Variants in ZNF253 observed in about 807,000 individuals in gnomAD.
ZNF253 encodes the protein zinc finger protein 253.
ZNF253 carries 8 observed loss-of-function variants against 11.9 expected under a neutral mutation model. The observed-to-expected ratio is 0.67, with a 90% CI of 0.40 to 1.22. ZNF253 has a LOEUF of 1.22. Ranked by LOEUF, ZNF253 falls within the 50% of genes most tolerant of loss-of-function variation. The probability of loss-of-function intolerance (pLI) is 0.01; values close to 1 mark genes in which losing one functional copy is unlikely to be tolerated. For synonymous variants in ZNF253, 194 were observed against 194.9 expected, an observed-to-expected ratio of 1.00 and a Z score of 0.04; for missense variants, 485 against 586.9, an observed-to-expected ratio of 0.83 and a Z score of 1.79.
chr19:19,891,768 G>GTATA lies in ZNF253; in HGVS notation c.522_525dup (p.Ile176TyrfsTer8). 6.2e-7 allele frequency: 1 copy of GTATA among 1,614,092 alleles called. No individual in the cohort carries two copies. The highest frequency in any genetic ancestry group is 1.1e-5 in the South Asian group (1 of 91,076). On this transcript the variant is annotated frameshift_variant, in exon 4 of 4. Transcript: ENST00000589717. LOFTEE classifies it low-confidence loss of function (END_TRUNC). ...CATACTGGAATAAATCTTTTCAAAT[G>GTATA]TATAATATGTGGCAAAGCTTTTAAA...
chr19:19,877,357 G>A (rs901884354), intron 1 of ZNF253, among the ~76,000 whole-genome samples: 1 of 151,566 alleles, frequency 6.6e-6, no homozygotes, highest in Non-Finnish European at 1.5e-5. Context: ...TTTCAACAGT[G>A]ATGCTGTGTT....
chr19:19,883,806 A>G (rs1483487902), intron 3 of ZNF253, among the ~76,000 whole-genome samples: 1 of 152,120 alleles, frequency 6.6e-6, no homozygotes, highest in Admixed American at 6.6e-5. Flanking sequence ...CTGTAATCCC[A>G]TCACTTTGGG....
At chr19:19,870,393 A>G (rs1235931647) in intron 1 of ZNF253, among the ~76,000 whole-genome samples, 1 of 141,488 alleles carries the variant, frequency 7.1e-6, no homozygotes, top group Non-Finnish European at 1.5e-5. Context: ...TTGTGTCTCA[A>G]AAAAAAAAAA....
At chr19:19,887,170 A>AT (rs34122953) in intron 3 of ZNF253, among the ~76,000 whole-genome samples, 45,659 of 150,644 alleles carry the variant, frequency 0.3, 7,907 homozygotes, top group East Asian at 0.64. Context: ...TGGAATATAC[A>AT]TTTTTTTTTC....
intron 3 of ZNF253, among the ~76,000 whole-genome samples, chr19:19,885,223 CTTTCTTTCTTTCTT>C (rs1262817239): frequency 1.1e-4 from 5 of 43,918 alleles, no homozygotes. Flanking sequence ...TGTATTCTTT[CTTTCTTTCTTTCTT>C]TCTTTCTTTC....
In ZNF253 at chr19:19,870,027, G is replaced by A. The variant is rs189669636; in HGVS notation, c.3+4028G>A. The stretch of plus-strand genomic sequence containing the variant: ...CTTACTTTGAATGATTCACTTAAAT[G>A]GTTATTTTAATATTGTTATTTATAC... On this transcript the variant is annotated intron_variant, in intron 1 of 3. Coordinates refer to ENST00000589717, the MANE Select transcript of ZNF253 (RefSeq NM_021047.3). 2.3e-3 allele frequency among the ~76,000 whole-genome samples: 353 copies of A among 152,046 alleles called. 3 individuals carry two copies. The highest frequency in any genetic ancestry group is 3.4e-3 in the Middle Eastern group (1 of 294).
Position 19,892,070 on chromosome 19 carries a change from A to G in ZNF253, c.823A>G (p.Lys275Glu), listed in dbSNP as rs1465995706. Reference sequence around the variant, plus strand: ...CCGATCCACAGACCTTACTACACATAAGATAGTTCATACTGGAGAGAAACC... The same window carrying G: ...CCGATCCACAGACCTTACTACACATGAGATAGTTCATACTGGAGAGAAACC... Reference protein sequence around the residue: ...FNRSTDLTTHKIVHTGEKPYK... With the variant: ...FNRSTDLTTHEIVHTGEKPYK... Residue 275 changes from lysine (K) to glutamate (E), a missense_variant, in exon 4 of 4, where the codon AAG becomes GAG. Transcript: ENST00000589717. 1.2e-6 allele frequency: 2 copies of G among 1,613,918 alleles called. No individual in the cohort carries two copies. The highest frequency in any genetic ancestry group is 1.7e-4 in the Middle Eastern group (1 of 6,060).
rs2063165224 is a variant in ZNF253, at chr19:19,878,582, G to A, written c.105G>A (p.Glu35=). The change falls in exon 2 of 4, where the codon GAG becomes GAA. Residue 35 remains glutamate (E), a synonymous_variant. Transcript: ENST00000589717. ...ATTTATATAGGGATGTGATGTTAGA[G>A]AACTACAGAAACTTGGTCTTCCTTG... is the stretch of plus-strand genomic sequence containing the variant. The part of the protein sequence containing the change: ...QRNLYRDVML[E]NYRNLVFLGI... The A allele has an allele frequency of 2.5e-6, 4 of 1,613,606 alleles. No individual in the cohort carries two copies. In the East Asian group the frequency reaches 8.9e-5, roughly 36 times the overall value.
rs751103150 is a variant in ZNF253, at chr19:19,880,056, G to C, written c.136G>C (p.Val46Leu). Residue 46 changes from valine (V) to leucine (L), a missense_variant, in exon 3 of 4, where the codon GTT (valine) becomes CTT (leucine). Val to Leu is a conservative substitution (Grantham distance 32). Transcript: ENST00000589717. ...NYRNLVFLGI[V>L]VSKPDLVTCL... ...ATTTATTTTTAATAAAACAGGTATT[G>C]TTGTCTCTAAGCCAGACCTGGTTAC... is the stretch of plus-strand genomic sequence containing the variant. The C allele has an allele frequency of 1.2e-6, 2 of 1,602,614 alleles. No individual in the cohort carries two copies. The highest frequency in any genetic ancestry group is 2.7e-5 in the African/African-American group (2 of 74,354).
intron 3 of ZNF253, among the ~76,000 whole-genome samples, chr19:19,888,349 C>T (rs937558920): frequency 3.3e-5 from 5 of 152,094 alleles, no homozygotes; most frequent in East Asian, 1.9e-4. Context: ...CAGGCGTGAG[C>T]GACTGCGCCT....
chr19:19,880,007 G>A (rs1210623998), intron 2 of ZNF253, 44 bp from the exon 3 acceptor site: 1 of 1,408,718 alleles, frequency 7.1e-7, no homozygotes, highest in Non-Finnish European at 9.9e-7. Flanking sequence ...CTTGTAATGG[G>A]AGTATATGAG....
At chr19:19,889,386 G>C (rs1034791297) in intron 3 of ZNF253, among the ~76,000 whole-genome samples, 5 of 151,892 alleles carry the variant, frequency 3.3e-5, no homozygotes, top group African/African-American at 1.2e-4. Context: ...TCACTCTGTT[G>C]CCCAGGCTAG....
At chr19:19,885,696 T>C (rs960650770) in intron 3 of ZNF253, among the ~76,000 whole-genome samples, 1 of 152,190 alleles carries the variant, frequency 6.6e-6, no homozygotes, top group African/African-American at 2.4e-5. Flanking sequence ...CGGCTTGTTT[T>C]GTATTTTTTC....
chr19:19,888,430 GTTTTT>G (rs373156931), intron 3 of ZNF253, among the ~76,000 whole-genome samples: 96 of 145,616 alleles, frequency 6.6e-4, no homozygotes, highest in African/African-American at 2.2e-3. Context: ...GTCTTTTTGT[GTTTTT>G]TTTTTATTTT....
At position 19,885,334 on chromosome 19, in the gene ZNF253, CT is replaced by C. The variant is rs2063200597; in HGVS notation, c.226+5191del. On this transcript the variant is annotated intron_variant, in intron 3 of 3. Coordinates refer to ENST00000589717, the MANE Select transcript of ZNF253 (RefSeq NM_021047.3). Reference sequence around the variant, plus strand: ...TCTTTCTTTCTTTCTTTCTTTCTTTCTTTCTTTCTTTCTTTCTTTCTTCCTT... The same window carrying C: ...TCTTTCTTTCTTTCTTTCTTTCTTTCTTCTTTCTTTCTTTCTTTCTTCCTT... Among the ~76,000 whole-genome samples, 3 of 66,194 alleles carry C rather than the reference CT, an allele frequency of 4.5e-5. 1 individual carries two copies. The highest frequency in any genetic ancestry group is 3.5e-4 in the Admixed American group (2 of 5,728). The allele number at this position is 66,194 out of a possible 152,430, so 43.4% of individuals were successfully genotyped here.
intron 3 of ZNF253, among the ~76,000 whole-genome samples, chr19:19,881,470 G>A (rs891874858): frequency 6.6e-6 from 1 of 151,836 alleles, no homozygotes; most frequent in Non-Finnish European, 1.5e-5. Flanking sequence ...CCAACATAGA[G>A]AAACCCTGTC....
At chr19:19,871,769 C>T (rs1236011715) in intron 1 of ZNF253, among the ~76,000 whole-genome samples, 1 of 152,168 alleles carries the variant, frequency 6.6e-6, no homozygotes. Context: ...ATGCATATCA[C>T]ATTCAAGTTC....
In ZNF253 at chr19:19,892,315, T is replaced by G. The variant is rs1948719121; in HGVS notation, c.1068T>G (p.Thr356=). The G allele has an allele frequency of 6.2e-7, 1 of 1,611,666 alleles. No homozygotes were observed. The highest frequency in any genetic ancestry group is 8.5e-7 in the Non-Finnish European group (1 of 1,178,332). ...CCTTTCACCTATCCTCACACCTTAC[T>G]ACACATAAGATACTTCATACTGGAG... ...GKAFHLSSHL[T]THKILHTGEK... Residue 356 remains threonine (T), a synonymous_variant, in exon 4 of 4, where the codon ACT becomes ACG. Coordinates refer to ENST00000589717, the MANE Select transcript of ZNF253 (RefSeq NM_021047.3).
chr19:19,891,925 A>G lies in ZNF253; in HGVS notation c.678A>G (p.Lys226=), dbSNP rs1354316360. 3.1e-6 allele frequency: 5 copies of G among 1,613,708 alleles called. No homozygotes were observed. Among genetic ancestry groups the G allele is most frequent in the Non-Finnish European group, 4.2e-6 (5 of 1,179,986 alleles). The part of the protein sequence containing the change: ...TTHKRIHTGE[K]PYRCEECGKA... ...ATAAGAGAATTCATACCGGAGAGAA[A>G]CCCTACAGATGTGAAGAATGTGGCA... The change falls in exon 4 of 4, where the codon AAA becomes AAG. Residue 226 remains lysine, a synonymous_variant. Coordinates refer to ENST00000589717, the MANE Select transcript of ZNF253 (RefSeq NM_021047.3).
Sources: allele counts gnomAD v4.1 joint callset (sites outside exome capture counted in the v4.1 genomes callset), GRCh38; gene constraint gnomAD v4.1.1; transcripts MANE v1.5; gene names NCBI Gene and HGNC (gene_info 2026-07-23, HGNC 2026-07-21).